The following DAPK1 variants were observed in gnomAD, a reference collection of about 807,000 sequenced individuals.
The protein encoded by DAPK1 is death-associated protein kinase 1.
Under a neutral mutation model 144.9 loss-of-function variants are expected in DAPK1, and 56 were observed. The ratio of observed to expected loss-of-function variants is 0.39; its 90% CI spans 0.31 to 0.48. The LOEUF (loss-of-function observed/expected upper bound fraction) is 0.48, where lower values mean the gene tolerates loss of function less well. Ranked by LOEUF, DAPK1 falls within the 20% of genes least tolerant of loss-of-function variation. The pLI, the probability that DAPK1 is intolerant of heterozygous loss-of-function variation, is 0.95. For missense variants in DAPK1, 1,454 were observed against 1,875.4 expected, an observed-to-expected ratio of 0.78 and a Z score of 4.15; for synonymous variants, 690 against 749.0, an observed-to-expected ratio of 0.92 and a Z score of 1.29.
At chr9:87,558,885 C>T (rs1826809116) in intron 2 of DAPK1, among the ~76,000 whole-genome samples, 3 of 152,322 alleles carry the variant, frequency 2.0e-5, no homozygotes, top group South Asian at 2.1e-4. Context: ...AACCAGACTG[C>T]CTGGAACCTG....
chr9:87,546,761 C>T (rs1826266555), intron 2 of DAPK1, among the ~76,000 whole-genome samples: 1 of 152,194 alleles, frequency 6.6e-6, no homozygotes, highest in Admixed American at 6.5e-5. Context: ...TCCATCTCAT[C>T]TCTTTGTTTT....
chr9:87,507,538 G>A (rs568135557), intron 2 of DAPK1, among the ~76,000 whole-genome samples: 3 of 152,276 alleles, frequency 2.0e-5, no homozygotes, highest in South Asian at 2.1e-4. Context: ...ACTACCTTTC[G>A]ATGTTTCAGT....
In DAPK1 at chr9:87,548,097, T is replaced by C. The variant is rs192850878; in HGVS notation, c.62+48958T>C. 9.9e-5 allele frequency among the ~76,000 whole-genome samples: 15 copies of C among 152,254 alleles called. No homozygotes were observed. In the East Asian group the frequency reaches 2.1e-3, roughly 22 times the overall value. On this transcript the variant is annotated intron_variant, in intron 2 of 25. Transcript: ENST00000408954. ...TCAGATGAACACTGTTATGCTAACT[T>C]CTCTAGGCAGCAATAATGCAGCACA...
At chr9:87,671,451 G>A (rs9410939) in intron 19 of DAPK1, among the ~76,000 whole-genome samples, 2,324 of 151,808 alleles carry the variant, frequency 0.015, 24 homozygotes, top group Middle Eastern at 0.045. Flanking sequence ...CCATTATCCT[G>A]TGGTCTTTTT....
intron 2 of DAPK1, among the ~76,000 whole-genome samples, chr9:87,584,666 G>T (rs1302318229): frequency 1.3e-5 from 1 of 75,582 alleles, no homozygotes; most frequent in East Asian, 9.9e-4. Context: ...ATAGCTCATT[G>T]TGTGTGTGTG....
intron 2 of DAPK1, among the ~76,000 whole-genome samples, chr9:87,590,590 T>A (rs72747840): frequency 0.1 from 15,391 of 150,980 alleles, 1,418 homozygotes; most frequent in African/African-American, 0.25. Context: ...CTTAAAAAAT[T>A]TTTTTTTTTA....
chr9:87,524,009 A>G (rs1037683529), intron 2 of DAPK1, among the ~76,000 whole-genome samples: 6 of 152,230 alleles, frequency 3.9e-5, no homozygotes, highest in Non-Finnish European at 7.3e-5. Flanking sequence ...CTGTCTAAAC[A>G]TGTTGAAAGA....
At chr9:87,511,655 TTTTC>T (rs1824846767) in intron 2 of DAPK1, among the ~76,000 whole-genome samples, 1 of 149,906 alleles carries the variant, frequency 6.7e-6, no homozygotes, top group African/African-American at 2.5e-5. Context: ...GAAAGGTAGA[TTTTC>T]TTTTTCTTTT....
At chr9:87,614,899 G>A (rs1001751948) in intron 3 of DAPK1, among the ~76,000 whole-genome samples, 35 of 152,162 alleles carry the variant, frequency 2.3e-4, no homozygotes, top group African/African-American at 8.2e-4. Context: ...CTGGTCATAC[G>A]GAGTCCACAT....
Position 87,686,802 on chromosome 9 carries a change from C to A in DAPK1, c.2413+63C>A. 3 of 1,419,390 alleles carry A rather than the reference C, an allele frequency of 2.1e-6. No individual in the cohort carries two copies. Among genetic ancestry groups the A allele is most frequent in the East Asian group, 2.4e-5 (1 of 41,746 alleles). The allele number at this position is 1,419,390 out of a possible 1,614,324, so 87.9% of individuals were successfully genotyped here. On this transcript the variant is annotated intron_variant, in intron 21 of 25. Coordinates refer to ENST00000408954, the MANE Select transcript of DAPK1 (RefSeq NM_004938.4). The surrounding 1 kb of genome is among the most constrained non-coding windows in gnomAD (Gnocchi z 4.2). ...TCCCTTCAACAGGGTTGTAAGTCAT[C>A]CCTAAAGGGAGCTTGTCCTGAGCTG...
chr9:87,509,461 A>G (rs1164601382), intron 2 of DAPK1, among the ~76,000 whole-genome samples: 4 of 152,128 alleles, frequency 2.6e-5, no homozygotes, highest in East Asian at 1.9e-4. Flanking sequence ...TCCGGGTTCA[A>G]GCGATTCTCC....
At chr9:87,632,872 A>G (rs1564033049) in intron 3 of DAPK1, 4 of 959,358 alleles carry the variant, frequency 4.2e-6, no homozygotes, top group East Asian at 2.4e-4. Context: ...ATGAAGGAAG[A>G]TGAGTATACA....
At position 87,706,531 on chromosome 9, in the gene DAPK1, C is replaced by T. The variant is rs777950655; in HGVS notation, c.3460C>T (p.Arg1154Trp). The change falls in exon 26 of 26, where the codon CGG (arginine) becomes TGG (tryptophan). Residue 1154 changes from arginine (R) to tryptophan (W), a missense_variant. Coordinates refer to ENST00000408954, the MANE Select transcript of DAPK1 (RefSeq NM_004938.4). This position sits in a 1 kb window ranked among gnomAD's most constrained non-coding sequence, Gnocchi z 9.0. Reference sequence around the variant, plus strand: ...TCACAAGGTCCAGGTGAACCTGTGCCGGTGGATCCACCAGCAAAGCACAGA... The same window carrying T: ...TCACAAGGTCCAGGTGAACCTGTGCTGGTGGATCCACCAGCAAAGCACAGA... ...IFHKVQVNLC[R>W]WIHQQSTEGD... is the part of the protein sequence containing the mutation. 4 of 1,613,228 alleles carry T rather than the reference C, an allele frequency of 2.5e-6. No individual in the cohort carries two copies. Among genetic ancestry groups the T allele is most frequent in the East Asian group, 2.2e-5 (1 of 44,878 alleles).
intron 3 of DAPK1, among the ~76,000 whole-genome samples, chr9:87,622,054 C>CTTTTTTTTTTT (rs11347503): frequency 6.8e-6 from 1 of 146,368 alleles, no homozygotes; most frequent in Non-Finnish European, 1.5e-5. Flanking sequence ...CTGCCTTGCA[C>CTTTTTTTTTTT]TTTTTTTTTT....
chr9:87,658,352 C>T (rs2119216824), intron 18 of DAPK1, among the ~76,000 whole-genome samples: 1 of 152,340 alleles, frequency 6.6e-6, no homozygotes, highest in Non-Finnish European at 1.5e-5. Context: ...CCCTGCTCTG[C>T]CAGGGATTCC....
chr9:87,629,187 G>A (rs1053285085), intron 3 of DAPK1, among the ~76,000 whole-genome samples: 1 of 152,216 alleles, frequency 6.6e-6, no homozygotes, highest in African/African-American at 2.4e-5. Flanking sequence ...TATGACTGGT[G>A]TTCTCATAAA....
intron 2 of DAPK1, among the ~76,000 whole-genome samples, chr9:87,505,138 TG>T (rs942453592): frequency 1.3e-5 from 2 of 152,218 alleles, no homozygotes; most frequent in African/African-American, 2.4e-5. Flanking sequence ...ATCTGATATC[TG>T]GGAGTGGCAT....
rs148119836 is a variant in DAPK1, at chr9:87,627,079, A to T, written c.285-10864A>T. Reference sequence around the variant, plus strand: ...ACCAAGCCAAAGTTCAGTTATTTCCAAACAGAACAGTGGCTGTAAAGGAAC... The same window carrying T: ...ACCAAGCCAAAGTTCAGTTATTTCCTAACAGAACAGTGGCTGTAAAGGAAC... On this transcript the variant is annotated intron_variant, in intron 3 of 25. Coordinates refer to ENST00000408954, the MANE Select transcript of DAPK1 (RefSeq NM_004938.4). Among the ~76,000 whole-genome samples, 26 of 152,210 alleles carry T rather than the reference A, an allele frequency of 1.7e-4. No individual in the cohort carries two copies. In the East Asian group the frequency reaches 4.8e-3, roughly 28 times the overall value.
chr9:87,573,228 A>G (rs1486648453), intron 2 of DAPK1, among the ~76,000 whole-genome samples: 2 of 152,188 alleles, frequency 1.3e-5, no homozygotes, highest in Non-Finnish European at 2.9e-5. Flanking sequence ...TCTTGCTGAC[A>G]TCTGCCACAG....
Sources: allele counts gnomAD v4.1 joint callset (sites outside exome capture counted in the v4.1 genomes callset), GRCh38; gene constraint gnomAD v4.1.1; non-coding constraint Gnocchi (gnomAD v3.1); transcripts MANE v1.5; gene names NCBI Gene and HGNC (gene_info 2026-07-23, HGNC 2026-07-21).